The following HCCS variants were observed in gnomAD, a reference collection of about 807,000 sequenced individuals.
HCCS encodes holocytochrome c-type synthase.
A neutral mutation model predicts 24.2 loss-of-function variants in HCCS; 2 were observed. The ratio of observed to expected loss-of-function variants is 0.08; its 90% CI spans 0.03 to 0.26. The LOEUF is 0.26. HCCS is among the 10% of genes least tolerant of loss of function. The probability of loss-of-function intolerance (pLI) is 1.00; values close to 1 mark genes in which losing one functional copy is unlikely to be tolerated. For missense variants in HCCS, 150 were observed against 213.3 expected (o/e 0.70, Z 1.85); for synonymous variants, 73 against 76.2 (o/e 0.96, Z 0.22).
In HCCS at chrX:11,118,623, A is replaced by G. The variant is rs774829654; in HGVS notation, c.521+3A>G. On this transcript the variant is annotated splice_donor_region_variant and intron_variant, in intron 5 of 6. Coordinates refer to ENST00000380762, the MANE Select transcript of HCCS (RefSeq NM_005333.5). ...AAGTGGGAAGCCCTTCATGCTGCGT[A>G]AGTATGTTTGAGATCTTAAATGTTT... The G allele has an allele frequency of 8.3e-6, 10 of 1,206,790 alleles. No individual in the cohort carries two copies. In the East Asian group the frequency reaches 2.7e-4, roughly 32 times the overall value.
intron 6 of HCCS, 63 bp from the exon 7 acceptor site, chrX:11,121,549 G>A: frequency 1.0e-6 from 1 of 983,088 alleles, no homozygotes; most frequent in Non-Finnish European, 1.5e-6. Context: ...TTTTCTCATG[G>A]CTTAAACCGG....
chrX:11,118,988 G>T (rs1339785847), intron 5 of HCCS, among the ~76,000 whole-genome samples: 1 of 111,435 alleles, frequency 9.0e-6, no homozygotes, highest in African/African-American at 3.3e-5. Flanking sequence ...TCTGAATATG[G>T]CTGTTTTCGG....
intron 5 of HCCS, among the ~76,000 whole-genome samples, chrX:11,119,321 T>A (rs766127470): frequency 9.0e-6 from 1 of 111,683 alleles, no homozygotes; most frequent in Non-Finnish European, 1.9e-5. Context: ...TCAAGGAGAA[T>A]AGGTAAATGC....
At chrX:11,118,202 C>A in intron 4 of HCCS, 1 of 325,985 alleles carries the variant, frequency 3.1e-6, no homozygotes, top group Non-Finnish European at 5.6e-6. Flanking sequence ...ACAATTGTCA[C>A]CTTAAAAATA....
rs988715818 is a variant in HCCS at position 11,119,191 on chromosome X, T to C, written c.521+571T>C. ...AAAGCAGAGCATGTGGGAAGGGAGA[T>C]GCTAAAATGCCATCTGCCCCAAGGG... On this transcript the variant is annotated intron_variant, in intron 5 of 6. Transcript: ENST00000380762. 2.7e-5 allele frequency among the ~76,000 whole-genome samples: 3 copies of C among 111,684 alleles called. No individual in the cohort carries two copies. The Admixed American group carries it at 2.8e-4, about 11-fold the overall frequency.
At chrX:11,121,055 C>A in intron 6 of HCCS, 62 bp downstream of exon 6, 1 of 881,134 alleles carries the variant, frequency 1.1e-6, no homozygotes, top group Non-Finnish European at 1.7e-6. Flanking sequence ...TTTCTCTTCA[C>A]ACCAAAACCA....
chrX:11,111,671 C>T (rs751306038), intron 1 of HCCS, among the ~76,000 whole-genome samples, 153 bp downstream of exon 1: 42 of 111,894 alleles, frequency 3.8e-4, no homozygotes, highest in African/African-American at 1.3e-3. Context: ...CAAGTCTAGG[C>T]TCAATGGACC....
intron 3 of HCCS, among the ~76,000 whole-genome samples, 157 bp downstream of exon 3, chrX:11,115,143 G>T (rs888628309): frequency 8.9e-6 from 1 of 112,327 alleles, no homozygotes; most frequent in African/African-American, 3.2e-5. Flanking sequence ...GAATGTGTTA[G>T]TAAGTGTAGT....
chrX:11,114,141 G>T (rs1278704628), intron 2 of HCCS, among the ~76,000 whole-genome samples: 1 of 112,579 alleles, frequency 8.9e-6, no homozygotes, highest in East Asian at 2.8e-4. Context: ...CTCGTAATGG[G>T]CATCTTGATC....
intron 3 of HCCS, 146 bp from the exon 4 acceptor site, chrX:11,117,121 A>C (rs748299160): frequency 5.9e-5 from 31 of 527,976 alleles, no homozygotes; most frequent in South Asian, 2.8e-5. Flanking sequence ...AAACAGTCAA[A>C]TTATGTGAGA....
Position 11,114,911 on chromosome X carries a change from C to T in HCCS, c.177C>T (p.Arg59=), listed in dbSNP as rs146236381. 4.2e-5 allele frequency: 50 copies of T among 1,202,214 alleles called. No individual in the cohort carries two copies. The highest frequency in any genetic ancestry group is 8.7e-5 in the Admixed American group (4 of 45,835). The part of the protein sequence containing the change: ...KTYSVPAHQE[R]AYEYVECPIR... ...ACTCTGTGCCTGCCCACCAGGAACG[C>T]GCCTATGAGTACGTGGAGTGTCCCA... The change falls in exon 3 of 7, where the codon CGC becomes CGT. Residue 59 remains arginine (R), a synonymous_variant. Transcript: ENST00000380762.
chrX:11,114,748 C>T lies in HCCS; in HGVS notation c.101-87C>T, dbSNP rs1213407778. 7 of 852,893 alleles carry T rather than the reference C, an allele frequency of 8.2e-6. No individual in the cohort carries two copies. In the South Asian group the frequency reaches 1.2e-4, roughly 15 times the overall value. 70.3% of individuals were successfully genotyped at this position (852,893 alleles called of 1,213,427 possible). ...TTTTCCTATGGTGGTAATCATTGGT[C>T]AGAAATTCAGCTCTTTAGTGCTCCA... On this transcript the variant is annotated intron_variant, in intron 2 of 6. Coordinates refer to ENST00000380762, the MANE Select transcript of HCCS (RefSeq NM_005333.5).
rs1298588675 is a variant in HCCS, at chrX:11,114,865, C to G, written c.131C>G (p.Pro44Arg). 1 of 1,209,144 alleles carries G rather than the reference C, an allele frequency of 8.3e-7. No individual in the cohort carries two copies. The change falls in exon 3 of 7, where the codon CCA (proline) becomes CGA (arginine). Residue 44 changes from proline (P) to arginine (R), a missense_variant. Coordinates refer to ENST00000380762, the MANE Select transcript of HCCS (RefSeq NM_005333.5). ...CCAGTGAATACAGAGCCATCTGGCC[C>G]AACCTGTGAGAAGAAAACATACTCT... Reference protein sequence around the residue: ...GCPVNTEPSGPTCEKKTYSVP... With the variant: ...GCPVNTEPSGRTCEKKTYSVP...
intron 4 of HCCS, among the ~76,000 whole-genome samples, chrX:11,118,083 A>G (rs1016923210): frequency 8.9e-6 from 1 of 112,555 alleles, no homozygotes; most frequent in African/African-American, 3.2e-5. Flanking sequence ...AGGTTGACAC[A>G]TAAAATTAAC....
intron 3 of HCCS, chrX:11,116,275 T>C (rs1360648780): frequency 1.8e-5 from 2 of 112,022 alleles, no homozygotes; most frequent in African/African-American, 6.5e-5. Flanking sequence ...GTGCAGCCAG[T>C]ATTCTTAGTG....
At chrX:11,113,414 A>G (rs762344633) in intron 2 of HCCS, among the ~76,000 whole-genome samples, 1 of 112,257 alleles carries the variant, frequency 8.9e-6, no homozygotes, top group Non-Finnish European at 1.9e-5. Context: ...TTTTCTCCCT[A>G]TTTTATAGTC....
intron 5 of HCCS, among the ~76,000 whole-genome samples, chrX:11,119,843 A>T (rs1045452739): frequency 4.2e-4 from 47 of 112,354 alleles, no homozygotes; most frequent in African/African-American, 1.5e-3. Flanking sequence ...TACTTGTGTG[A>T]TTATGGAGCA....
At chrX:11,115,043 A>G (rs2045438469) in intron 3 of HCCS, 57 bp downstream of exon 3, 2 of 1,016,373 alleles carry the variant, frequency 2.0e-6, no homozygotes, top group Admixed American at 2.2e-5. Context: ...GCTTATACAG[A>G]CTCCCAAGAC....
At position 11,114,864 on chromosome X, in the gene HCCS, C is replaced by T; in HGVS notation, c.130C>T (p.Pro44Ser). The T allele has an allele frequency of 2.5e-6, 3 of 1,208,862 alleles. No individual in the cohort carries two copies. Among genetic ancestry groups the T allele is most frequent in the Non-Finnish European group, 3.4e-6 (3 of 892,968 alleles). The stretch of plus-strand genomic sequence containing the variant: ...TCCAGTGAATACAGAGCCATCTGGC[C>T]CAACCTGTGAGAAGAAAACATACTC... Reference protein sequence around the residue: ...GCPVNTEPSGPTCEKKTYSVP... With the variant: ...GCPVNTEPSGSTCEKKTYSVP... Residue 44 changes from proline (P) to serine (S), a missense_variant, in exon 3 of 7, where the codon CCA becomes TCA. Physicochemically the swap from Pro to Ser is moderately conservative, Grantham distance 74 (BLOSUM62 -1). This residue lies in a region of HCCS where 95 missense variants were observed against 79.1 expected (regional missense o/e 1.20). Coordinates refer to ENST00000380762, the MANE Select transcript of HCCS (RefSeq NM_005333.5).
Sources: allele counts gnomAD v4.1 joint callset (sites outside exome capture counted in the v4.1 genomes callset), GRCh38; gene constraint gnomAD v4.1.1; regional missense constraint gnomAD v4.1.1; transcripts MANE v1.5; gene names NCBI Gene and HGNC (gene_info 2026-07-23, HGNC 2026-07-21).